MYO9B: variants seen among roughly 807,000 people sequenced by gnomAD.
MYO9B encodes unconventional myosin-IXb.
In MYO9B, 71 loss-of-function variants were observed where a neutral mutation model predicts 229.5. That is an observed-to-expected ratio of 0.31 (90% confidence interval 0.26 to 0.38). The LOEUF is 0.38. Ranked by LOEUF, MYO9B falls within the 10% of genes least tolerant of loss-of-function variation. MYO9B has a pLI of 1.00. For missense variants in MYO9B, 2,255 were observed against 2,920.5 expected, an observed-to-expected ratio of 0.77 and a Z score of 5.25; for synonymous variants, 1,185 against 1,235.8, an observed-to-expected ratio of 0.96 and a Z score of 0.86.
intron 2 of MYO9B, among the ~76,000 whole-genome samples, chr19:17,133,741 A>T (rs1168980749): frequency 6.8e-6 from 1 of 147,068 alleles, no homozygotes; most frequent in African/African-American, 2.6e-5. Flanking sequence ...GGCATCAGCC[A>T]CAGCACCAGC....
intron 16 of MYO9B, 63 bp downstream of exon 16, chr19:17,183,931 G>A: frequency 6.8e-7 from 1 of 1,474,484 alleles, no homozygotes; most frequent in South Asian, 1.3e-5. Flanking sequence ...TGCCCGTCTT[G>A]AGAGCTTTCA....
chr19:17,140,753 G>T (rs2072329342), intron 2 of MYO9B, among the ~76,000 whole-genome samples: 1 of 151,054 alleles, frequency 6.6e-6, no homozygotes, highest in Admixed American at 6.6e-5. Context: ...CTCCCAAAGT[G>T]CTGGGATTAC....
rs376546081 is a variant in MYO9B at position 17,202,028 on chromosome 19, T to A, written c.4662+4T>A. 1.2e-6 allele frequency: 2 copies of A among 1,611,790 alleles called. No individual in the cohort carries two copies. Among genetic ancestry groups the A allele is most frequent in the Admixed American group, 3.4e-5 (2 of 59,620 alleles). ...CAAAACGATGTACTCTGTCCCGGTA[T>A]GTGGCGGCCCGGCCTTCAGCCTTTC... On this transcript the variant is annotated splice_donor_region_variant and intron_variant, in intron 27 of 39. Transcript: ENST00000682292.
chr19:17,187,804 G>C (rs752139650), intron 18 of MYO9B, 131 bp from the exon 19 acceptor site: 6 of 720,574 alleles, frequency 8.3e-6, no homozygotes, highest in Non-Finnish European at 1.4e-5. Context: ...GTCTGTGTTC[G>C]GCATCCCAAG....
intron 14 of MYO9B, among the ~76,000 whole-genome samples, chr19:17,176,617 G>A (rs2072792700): frequency 6.6e-6 from 1 of 152,192 alleles, no homozygotes; most frequent in Admixed American, 6.6e-5. Flanking sequence ...TTAGGGAGAT[G>A]GGAGGAGGCT....
At chr19:17,084,023 TGGTTAATAACCCTTTG>T (rs144744357) in intron 1 of MYO9B, among the ~76,000 whole-genome samples, 27,475 of 151,682 alleles carry the variant, frequency 0.18, 2,739 homozygotes, top group Non-Finnish European at 0.23. Context: ...TGGATTCTCC[TGGTTAATAACCCTTTG>T]GGTTAATAAC....
At chr19:17,147,764 C>T (rs113233300) in intron 3 of MYO9B, among the ~76,000 whole-genome samples, 5,547 of 134,496 alleles carry the variant, frequency 0.041, 354 homozygotes, top group African/African-American at 0.15. Context: ...CGGCTCACCG[C>T]AACCTCTGTC....
chr19:17,196,645 T>C (rs1200405857), intron 22 of MYO9B, among the ~76,000 whole-genome samples: 1 of 148,632 alleles, frequency 6.7e-6, no homozygotes. Flanking sequence ...ATCAAGTCAC[T>C]GCACTCCAGC....
chr19:17,203,556 T>C, intron 30 of MYO9B, among the ~76,000 whole-genome samples: 1 of 147,122 alleles, frequency 6.8e-6, no homozygotes, highest in Non-Finnish European at 1.5e-5. Context: ...AAGGTTGCAG[T>C]GAGTCGAGAT....
Position 17,087,093 on chromosome 19 carries a change from G to A in MYO9B, c.-59+11219G>A, listed in dbSNP as rs1043991519. Among the ~76,000 whole-genome samples the A allele has an allele frequency of 5.3e-5, 8 of 152,268 alleles. No homozygotes were observed. The East Asian group carries it at 1.2e-3, about 22-fold the overall frequency. ...CTCTCCTGTGCCCAGCATCAGCCTGGCCCGGGGTGAGCACTGAAGGAACAT... is the reference window on the plus strand; with the variant it reads ...CTCTCCTGTGCCCAGCATCAGCCTGACCCGGGGTGAGCACTGAAGGAACAT... On this transcript the variant is annotated intron_variant, in intron 1 of 39. Coordinates refer to ENST00000682292, the MANE Select transcript of MYO9B (RefSeq NM_004145.4).
intron 2 of MYO9B, among the ~76,000 whole-genome samples, chr19:17,116,103 C>T (rs2057900710): frequency 6.6e-6 from 1 of 152,188 alleles, no homozygotes; most frequent in Non-Finnish European, 1.5e-5. Flanking sequence ...GGGGTTCCCT[C>T]CTTGCCTTGA....
chr19:17,139,388 G>T (rs529599286), intron 2 of MYO9B, among the ~76,000 whole-genome samples: 1 of 152,112 alleles, frequency 6.6e-6, no homozygotes, highest in South Asian at 2.1e-4. Flanking sequence ...GGTCGAGGCC[G>T]CAGTGAGCCA....
intron 38 of MYO9B, 128 bp downstream of exon 38, chr19:17,210,976 A>AATTT: frequency 1.1e-5 from 6 of 565,632 alleles, no homozygotes; most frequent in East Asian, 4.2e-5. Context: ...GGCAAACAAC[A>AATTT]CTTTTTTTTT....
chr19:17,175,551 C>A, intron 13 of MYO9B, 112 bp from the exon 14 acceptor site: 1 of 832,362 alleles, frequency 1.2e-6, no homozygotes, highest in Non-Finnish European at 1.8e-6. Context: ...TGTGCTCCAG[C>A]CTGGGTGACA....
chr19:17,162,975 C>T lies in MYO9B; in HGVS notation c.1537-13C>T, dbSNP rs768798853. Reference sequence around the variant, plus strand: ...CACCTGCGGGCAGTGACCATTTTCTCTGTCTCTCCCAGTGCCTGTCCATTG... The same window carrying T: ...CACCTGCGGGCAGTGACCATTTTCTTTGTCTCTCCCAGTGCCTGTCCATTG... On this transcript the variant is annotated splice_polypyrimidine_tract_variant and intron_variant, in intron 9 of 39. Coordinates refer to ENST00000682292, the MANE Select transcript of MYO9B (RefSeq NM_004145.4). 3 of 1,607,330 alleles carry T rather than the reference C, an allele frequency of 1.9e-6. No individual in the cohort carries two copies. The highest frequency in any genetic ancestry group is 1.3e-5 in the African/African-American group (1 of 74,960).
chr19:17,158,920 G>A (rs961711635), intron 7 of MYO9B, among the ~76,000 whole-genome samples: 2 of 152,120 alleles, frequency 1.3e-5, no homozygotes, highest in African/African-American at 4.8e-5. Flanking sequence ...CAGGCCAGGT[G>A]CAGCGGCTCA....
chr19:17,123,874 A>G (rs1008640433), intron 2 of MYO9B, among the ~76,000 whole-genome samples: 2 of 151,922 alleles, frequency 1.3e-5, no homozygotes, highest in Admixed American at 6.6e-5. Context: ...ACATACATGG[A>G]ACATTCTCAA....
At chr19:17,144,851 T>TC (rs963468044) in intron 2 of MYO9B, among the ~76,000 whole-genome samples, 14 of 149,550 alleles carry the variant, frequency 9.4e-5, no homozygotes, top group Middle Eastern at 3.5e-3. Context: ...GCGCCTGTAA[T>TC]CCCAGCCACT....
At chr19:17,097,211 C>G (rs1245053921) in intron 1 of MYO9B, among the ~76,000 whole-genome samples, 1 of 151,702 alleles carries the variant, frequency 6.6e-6, no homozygotes, top group Non-Finnish European at 1.5e-5. Flanking sequence ...ATCCCAGCTA[C>G]TCAGGAGGCT....
Sources: allele counts gnomAD v4.1 joint callset (sites outside exome capture counted in the v4.1 genomes callset), GRCh38; gene constraint gnomAD v4.1.1; transcripts MANE v1.5; gene names NCBI Gene and HGNC (gene_info 2026-07-23, HGNC 2026-07-21).